The following TBCD variants were observed in gnomAD, a reference collection of about 807,000 sequenced individuals.
TBCD encodes the protein tubulin folding cofactor D, also known as tubulin-specific chaperone D.
A neutral mutation model predicts 169.3 loss-of-function variants in TBCD; 105 were observed. That is an observed-to-expected ratio of 0.62 (90% CI 0.53 to 0.73). The LOEUF (loss-of-function observed/expected upper bound fraction) is 0.73. Ranked by LOEUF, TBCD falls within the 30% of genes least tolerant of loss-of-function variation. TBCD has a pLI of 0.00. For missense variants in TBCD, 1,444 were observed against 1,600.1 expected (o/e 0.90, Z 1.66); for synonymous variants, 700 against 643.9 (o/e 1.09, Z -1.32).
At chr17:82,758,720 C>T (rs1297675202) in intron 2 of TBCD, among the ~76,000 whole-genome samples, 2 of 134,806 alleles carry the variant, frequency 1.5e-5, no homozygotes, top group African/African-American at 5.7e-5. Flanking sequence ...AGTATAGTGG[C>T]CCAATCTTGG....
chr17:82,892,560 T>C (rs1471801275), intron 16 of TBCD, among the ~76,000 whole-genome samples: 3 of 151,988 alleles, frequency 2.0e-5, no homozygotes, highest in Admixed American at 6.6e-5. Context: ...TGGCCCCGGG[T>C]GTTCTCAGGA....
In TBCD at chr17:82,850,281, CTGTTGGCTGTGCTGT is replaced by C. The variant is rs1228519128; in HGVS notation, c.1319-19929_1319-19915del. ...GGCTGTGTTGTTGTTGGCTGTGCTG[CTGTTGGCTGTGCTGT>C]TGTTGGCTGTGCTCTTCTGCTGTTG... On this transcript the variant is annotated intron_variant, in intron 13 of 38. Coordinates refer to ENST00000355528, the MANE Select transcript of TBCD (RefSeq NM_005993.5). 3.3e-4 allele frequency among the ~76,000 whole-genome samples: 33 copies of C among 99,058 alleles called. 1 individual carries two copies. The highest frequency in any genetic ancestry group is 1.4e-3 in the African/African-American group (32 of 23,632). The allele number at this position is 99,058 out of a possible 152,430, so 65.0% of individuals were successfully genotyped here. A position where few individuals can be genotyped will look rare whatever the true frequency, so the allele number is the denominator to read the frequency against.
intron 34 of TBCD, among the ~76,000 whole-genome samples, chr17:82,935,840 AC>A (rs936173950): frequency 3.4e-5 from 5 of 148,772 alleles, no homozygotes; most frequent in South Asian, 2.1e-4. Flanking sequence ...TGCTTTTGGG[AC>A]CCCCCCCATC....
intron 22 of TBCD, among the ~76,000 whole-genome samples, chr17:82,910,090 A>G (rs949277099): frequency 1.3e-5 from 2 of 152,166 alleles, no homozygotes; most frequent in Non-Finnish European, 2.9e-5. Flanking sequence ...GCCTTTGGCT[A>G]TTGTAGGGAA....
rs180896652 is a variant in TBCD, at chr17:82,831,073, C to T, written c.1318+16139C>T. Reference sequence around the variant, plus strand: ...AGCCTGGGCAGGTAGGCATTCTGTGCTTTTCTTAACAGGCCTGAAGGCTGT... The same window carrying T: ...AGCCTGGGCAGGTAGGCATTCTGTGTTTTTCTTAACAGGCCTGAAGGCTGT... On this transcript the variant is annotated intron_variant, in intron 13 of 38. Coordinates refer to ENST00000355528, the MANE Select transcript of TBCD (RefSeq NM_005993.5). This position sits in a 1 kb window ranked among gnomAD's most constrained non-coding sequence, Gnocchi z 4.6. 5 of 1,614,204 alleles carry T rather than the reference C, an allele frequency of 3.1e-6. No homozygotes were observed. In the Admixed American group the frequency reaches 5.0e-5, roughly 16 times the overall value.
intron 14 of TBCD, among the ~76,000 whole-genome samples, chr17:82,873,482 G>T (rs950260683): frequency 1.3e-5 from 2 of 152,182 alleles, no homozygotes; most frequent in Non-Finnish European, 2.9e-5. Flanking sequence ...TCCAGATCAG[G>T]TGCCGACTTT....
intron 1 of TBCD, 35 bp from the exon 2 acceptor site, chr17:82,756,130 G>T: frequency 6.4e-7 from 1 of 1,566,098 alleles, no homozygotes; most frequent in Admixed American, 1.8e-5. Context: ...GTTTGGCCTA[G>T]TGATAATTAA....
At chr17:82,878,095 G>A (rs1182671096) in intron 14 of TBCD, among the ~76,000 whole-genome samples, 3 of 152,222 alleles carry the variant, frequency 2.0e-5, no homozygotes, top group African/African-American at 4.8e-5. Context: ...ATTCTCCGAT[G>A]TGAACATCTC....
chr17:82,772,380 G>A, intron 5 of TBCD, 72 bp from the exon 6 acceptor site: 3 of 1,521,494 alleles, frequency 2.0e-6, no homozygotes, highest in Non-Finnish European at 2.7e-6. Context: ...GGGTGGGACT[G>A]GTGACTGTGT....
intron 13 of TBCD, chr17:82,830,444 C>G (rs972906743): frequency 6.2e-7 from 1 of 1,612,130 alleles, no homozygotes; most frequent in Non-Finnish European, 8.5e-7. Context: ...CTGCTGTCCA[C>G]CGCGCATGCG....
At chr17:82,830,677 A>C (rs771342496) in intron 13 of TBCD, 8 of 1,613,946 alleles carry the variant, frequency 5.0e-6, no homozygotes, top group Non-Finnish European at 6.8e-6. Flanking sequence ...AAGGTCCTGC[A>C]GCTCTGAGAA....
chr17:82,854,510 A>G (rs1421939797), intron 13 of TBCD, among the ~76,000 whole-genome samples: 1 of 152,246 alleles, frequency 6.6e-6, no homozygotes. Context: ...GTGTACAGAT[A>G]CTGTTGAAAA....
chr17:82,877,464 C>G lies in TBCD; in HGVS notation c.1476-6681C>G, dbSNP rs540020996. 5.9e-5 allele frequency among the ~76,000 whole-genome samples: 9 copies of G among 152,202 alleles called. No individual in the cohort carries two copies. In the East Asian group the frequency reaches 1.4e-3, roughly 23 times the overall value. On this transcript the variant is annotated intron_variant, in intron 14 of 38. Transcript: ENST00000355528. ...GGGTTCAAGCAATTCTTCTGCCTGC[C>G]TAGTAGCTGGGATTACAGGTGCGCA...
chr17:82,926,489 G>A lies in TBCD; in HGVS notation c.2469G>A (p.Ala823=), dbSNP rs774817806. The A allele has an allele frequency of 2.7e-5, 43 of 1,613,748 alleles. No individual in the cohort carries two copies. Among genetic ancestry groups the A allele is most frequent in the South Asian group, 5.5e-5 (5 of 91,044 alleles). ...ESRRDGLKAI[A]RICQTVGVKA... ...GGAGAGACGGCTTGAAGGCCATTGC[G>A]AGGTGAGTCCCAACAGTTCCTCCCT... The change falls in exon 28 of 39, where the codon GCG becomes GCA. Residue 823 remains alanine, a splice_region_variant and synonymous_variant. Transcript: ENST00000355528.
rs1490935890 is a variant in TBCD, at chr17:82,781,702, A to G, written c.752A>G (p.Asp251Gly). 1.2e-6 allele frequency: 2 copies of G among 1,613,706 alleles called. No individual in the cohort carries two copies. ...FQTMQGVITM[D>G]GTLQALAQIF... ...ACCATGCAGGGGGTCATCACCATGG[A>G]TGGGACGCTGCAGGCCCTGGTAAGT... Residue 251 changes from aspartate to glycine, a missense_variant, in exon 7 of 39, where the codon GAT (aspartate) becomes GGT (glycine). By Grantham distance (94) the Asp-to-Gly change is moderately conservative. Transcript: ENST00000355528.
intron 13 of TBCD, among the ~76,000 whole-genome samples, chr17:82,846,372 CAT>C (rs2055116851): frequency 1.1e-4 from 14 of 124,712 alleles, no homozygotes; most frequent in African/African-American, 3.3e-4. Flanking sequence ...CGCTGTGTCC[CAT>C]GTGCCGTGTC....
Position 82,800,850 on chromosome 17 carries a change from G to A in TBCD, c.818-14G>A. On this transcript the variant is annotated splice_polypyrimidine_tract_variant and intron_variant, in intron 8 of 38. Coordinates refer to ENST00000355528, the MANE Select transcript of TBCD (RefSeq NM_005993.5). Reference sequence around the variant, plus strand: ...TGCAGCCCTTCCTGCGCTGAGTCCAGTTCTTGTTTGCAGCTGCCACTGTCC... The same window carrying A: ...TGCAGCCCTTCCTGCGCTGAGTCCAATTCTTGTTTGCAGCTGCCACTGTCC... 6.2e-7 allele frequency: 1 copy of A among 1,611,354 alleles called. No individual in the cohort carries two copies. The highest frequency in any genetic ancestry group is 8.5e-7 in the Non-Finnish European group (1 of 1,178,998).
At chr17:82,855,958 A>G (rs1469052940) in intron 13 of TBCD, among the ~76,000 whole-genome samples, 1 of 146,406 alleles carries the variant, frequency 6.8e-6, no homozygotes, top group Non-Finnish European at 1.5e-5. Context: ...TTATGGCTGA[A>G]TAATATTGCT....
chr17:82,809,796 G>C lies in TBCD; in HGVS notation c.1223+14G>C. The C allele has an allele frequency of 6.2e-7, 1 of 1,612,568 alleles. No homozygotes were observed. The highest frequency in any genetic ancestry group is 8.5e-7 in the Non-Finnish European group (1 of 1,179,202). On this transcript the variant is annotated intron_variant, in intron 12 of 38. Transcript: ENST00000355528. ...GGACTGCTTCAGGTATGTGAGAAGA[G>C]CAGGGGAGGCGTGTGGGCCTGACCC... is the stretch of plus-strand genomic sequence containing the variant.
Sources: allele counts gnomAD v4.1 joint callset (sites outside exome capture counted in the v4.1 genomes callset), GRCh38; gene constraint gnomAD v4.1.1; non-coding constraint Gnocchi (gnomAD v3.1); transcripts MANE v1.5; gene names NCBI Gene and HGNC (gene_info 2026-07-23, HGNC 2026-07-21).